DEPTOR: variants seen among roughly 807,000 people sequenced by gnomAD.
DEPTOR encodes the protein DEP domain-containing mTOR-interacting protein.
In DEPTOR, 41 loss-of-function variants were observed where a neutral mutation model predicts 41.6. The observed-to-expected ratio is 0.98, with a 90% CI of 0.77 to 1.28. DEPTOR has a LOEUF of 1.28. DEPTOR is among the 50% of genes most tolerant of loss of function. DEPTOR has a pLI of 0.00. For synonymous variants in DEPTOR, 195 were observed against 192.3 expected, an observed-to-expected ratio of 1.01 and a Z score of -0.12; for missense variants, 514 against 527.9, an observed-to-expected ratio of 0.97 and a Z score of 0.26.
intron 8 of DEPTOR, among the ~76,000 whole-genome samples, chr8:120,018,053 A>G (rs1812639249): frequency 9.0e-6 from 1 of 110,872 alleles, no homozygotes; most frequent in Non-Finnish European, 1.8e-5. Flanking sequence ...CATAGCAAGG[A>G]AAAAAATGTC....
chr8:119,978,310 G>A (rs1828721945), intron 4 of DEPTOR, among the ~76,000 whole-genome samples: 1 of 152,146 alleles, frequency 6.6e-6, no homozygotes, highest in Non-Finnish European at 1.5e-5. Context: ...GGGTTTAAGT[G>A]GTCATTTTCA....
chr8:119,969,643 A>G lies in DEPTOR; in HGVS notation c.604+4233A>G, dbSNP rs531834757. The stretch of plus-strand genomic sequence containing the variant: ...AGTGCTGGGATTACAGGCGTGAGCC[A>G]TCGTGCCTGGCCGATAATAAATCTT... On this transcript the variant is annotated intron_variant, in intron 4 of 8. Coordinates refer to ENST00000286234, the MANE Select transcript of DEPTOR (RefSeq NM_022783.4). 19 of 152,346 alleles carry G rather than the reference A, an allele frequency of 1.2e-4. No individual in the cohort carries two copies. In the East Asian group the frequency reaches 3.3e-3, roughly 26 times the overall value. 9.4% of individuals were successfully genotyped at this position (152,346 alleles called of 1,614,324 possible).
At chr8:119,906,293 A>AAT (rs1444441081) in intron 1 of DEPTOR, among the ~76,000 whole-genome samples, 1 of 108,586 alleles carries the variant, frequency 9.2e-6, no homozygotes, top group Non-Finnish European at 2.1e-5. Flanking sequence ...CTCTACTAAA[A>AAT]ATACAAAAAA....
intron 8 of DEPTOR, among the ~76,000 whole-genome samples, chr8:120,014,918 T>TTA (rs2130119381): frequency 6.6e-6 from 1 of 151,876 alleles, no homozygotes; most frequent in East Asian, 1.9e-4. Context: ...CTTTTTTTTT[T>TTA]AATCACATCA....
At chr8:119,948,748 T>G (rs533529283) in intron 3 of DEPTOR, among the ~76,000 whole-genome samples, 2 of 152,212 alleles carry the variant, frequency 1.3e-5, no homozygotes, top group South Asian at 2.1e-4. Flanking sequence ...TTAATCTACT[T>G]TCTGTCTCTA....
In DEPTOR at chr8:119,934,404, T is replaced by G. The variant is rs778839456; in HGVS notation, c.425+4466T>G. 3.1e-4 allele frequency among the ~76,000 whole-genome samples: 47 copies of G among 152,210 alleles called. 1 individual carries two copies. Among genetic ancestry groups the G allele is most frequent in the Non-Finnish European group, 1.0e-4 (7 of 68,032 alleles). On this transcript the variant is annotated intron_variant, in intron 3 of 8. Coordinates refer to ENST00000286234, the MANE Select transcript of DEPTOR (RefSeq NM_022783.4). ...TGAGTGAGGAAAGCTTTAGAGGAAC[T>G]GGAGGCATGGATCGTCCTGCACAGT...
chr8:119,890,850 A>G (rs1202514641), intron 1 of DEPTOR, among the ~76,000 whole-genome samples: 1 of 152,184 alleles, frequency 6.6e-6, no homozygotes, highest in Non-Finnish European at 1.5e-5. Context: ...ATACATACAT[A>G]CAGCTGTGGA....
chr8:119,986,471 A>G (rs1416760062), intron 4 of DEPTOR, among the ~76,000 whole-genome samples: 1 of 151,450 alleles, frequency 6.6e-6, no homozygotes, highest in East Asian at 1.9e-4. Flanking sequence ...TTTTTCCTTC[A>G]TTTCAACCTT....
intron 3 of DEPTOR, among the ~76,000 whole-genome samples, chr8:119,944,051 A>G (rs1226948289): frequency 3.9e-5 from 6 of 152,160 alleles, no homozygotes; most frequent in Non-Finnish European, 8.8e-5. Flanking sequence ...CGTGTTAGCC[A>G]GGATGGTCTC....
chr8:119,877,506 T>C (rs1471276022), intron 1 of DEPTOR, among the ~76,000 whole-genome samples: 1 of 152,184 alleles, frequency 6.6e-6, no homozygotes, highest in Non-Finnish European at 1.5e-5. Context: ...TGCTTTGCAA[T>C]GTCCAGGCCT....
Position 120,049,650 on chromosome 8 carries a change from T to C in DEPTOR, c.1176T>C (p.Ile392=), listed in dbSNP as rs763541768. ...ACTACCGGACCGTGAGCAATCTGAT[T>C]CTGACGGGCCCACGGACGATTGTCA... ...HVDYRTVSNL[I]LTGPRTIVME... is the part of the protein sequence containing the mutation. Residue 392 remains isoleucine, a synonymous_variant, in exon 9 of 9, where the codon ATT becomes ATC. Transcript: ENST00000286234. 2 of 1,614,052 alleles carry C rather than the reference T, an allele frequency of 1.2e-6. No homozygotes were observed. Among genetic ancestry groups the C allele is most frequent in the Non-Finnish European group, 1.7e-6 (2 of 1,179,928 alleles).
chr8:119,944,897 G>T (rs1216546801), intron 3 of DEPTOR, among the ~76,000 whole-genome samples: 7 of 151,928 alleles, frequency 4.6e-5, no homozygotes, highest in Admixed American at 4.6e-4. Flanking sequence ...CTCATGATCT[G>T]CCCACCTCAG....
intron 1 of DEPTOR, among the ~76,000 whole-genome samples, chr8:119,914,184 G>A (rs975475096): frequency 2.0e-4 from 30 of 147,146 alleles, no homozygotes; most frequent in African/African-American, 6.3e-4. Flanking sequence ...TAGCTGGGAC[G>A]ACAGGCGAGT....
intron 4 of DEPTOR, among the ~76,000 whole-genome samples, chr8:119,971,122 A>T (rs1017388644): frequency 6.6e-6 from 1 of 151,762 alleles, no homozygotes; most frequent in African/African-American, 2.4e-5. Context: ...AGTCCCAGCT[A>T]CTCGGGAGGC....
chr8:119,983,449 A>G (rs1053616782), intron 4 of DEPTOR, among the ~76,000 whole-genome samples: 1 of 152,008 alleles, frequency 6.6e-6, no homozygotes, highest in African/African-American at 2.4e-5. Flanking sequence ...GAGTGGCGCC[A>G]TCTCGGCTCA....
chr8:119,891,716 T>C (rs1388758008), intron 1 of DEPTOR, among the ~76,000 whole-genome samples: 1 of 152,216 alleles, frequency 6.6e-6, no homozygotes, highest in Non-Finnish European at 1.5e-5. Context: ...TTGGCTTACA[T>C]TCAAATTTCA....
chr8:119,932,867 TC>T (rs1335874717), intron 3 of DEPTOR, among the ~76,000 whole-genome samples: 1 of 152,038 alleles, frequency 6.6e-6, no homozygotes, highest in Non-Finnish European at 1.5e-5. Flanking sequence ...TGGAAGAACA[TC>T]CCAGGCAAAG....
chr8:120,042,549 G>A (rs2130202309), intron 8 of DEPTOR, among the ~76,000 whole-genome samples: 1 of 152,144 alleles, frequency 6.6e-6, no homozygotes, highest in Admixed American at 6.6e-5. Flanking sequence ...ACCGAGTTTT[G>A]CTCTTGTTGC....
rs578191489 is a variant in DEPTOR, at chr8:119,966,988, A to G, written c.604+1578A>G. 3.8e-4 allele frequency among the ~76,000 whole-genome samples: 58 copies of G among 152,302 alleles called. 2 individuals carry two copies. In the South Asian group the frequency reaches 0.011, roughly 29 times the overall value. ...GAGCAGCCCAACAAGGCCTGTCTGT[A>G]TAGATTCTTTTTGGCCTCTCTGCAG... On this transcript the variant is annotated intron_variant, in intron 4 of 8. Coordinates refer to ENST00000286234, the MANE Select transcript of DEPTOR (RefSeq NM_022783.4).
Sources: allele counts gnomAD v4.1 joint callset (sites outside exome capture counted in the v4.1 genomes callset), GRCh38; gene constraint gnomAD v4.1.1; transcripts MANE v1.5; gene names NCBI Gene and HGNC (gene_info 2026-07-23, HGNC 2026-07-21).